LNPEP: variants seen among roughly 807,000 people sequenced by gnomAD.
LNPEP encodes the protein leucyl-cystinyl aminopeptidase.
Under a neutral mutation model 120.6 loss-of-function variants are expected in LNPEP, and 64 were observed. The ratio of observed to expected loss-of-function variants is 0.53; its 90% CI spans 0.43 to 0.65. The LOEUF (loss-of-function observed/expected upper bound fraction) is 0.65. LNPEP is among the 30% of genes least tolerant of loss of function. The probability of loss-of-function intolerance (pLI) is 0.00; values close to 1 mark genes in which losing one functional copy is unlikely to be tolerated. For synonymous variants in LNPEP, 435 were observed against 425.4 expected (o/e 1.02, Z -0.28); for missense variants, 1,057 against 1,200.0 (o/e 0.88, Z 1.76).
chr5:97,012,996 C>T (rs1459461923), intron 11 of LNPEP, among the ~76,000 whole-genome samples: 2 of 152,154 alleles, frequency 1.3e-5, no homozygotes, highest in African/African-American at 4.8e-5. Context: ...AAGACAGAGG[C>T]CAAAATGGGA....
In LNPEP at chr5:97,022,413, C is replaced by T. The variant is rs1321811498; in HGVS notation, c.2490C>T (p.His830=). Residue 830 remains histidine (H), a synonymous_variant, in exon 14 of 18, where the codon CAC becomes CAT. Transcript: ENST00000231368. ...CCCTGCTAGAGTTTGCTTGCACCCA[C>T]AACCTGGGGAACTGCTCTACTACTG... is the stretch of plus-strand genomic sequence containing the variant. ...RSALLEFACT[H]NLGNCSTTAM... The T allele has an allele frequency of 6.2e-7, 1 of 1,614,106 alleles. No homozygotes were observed. Among genetic ancestry groups the T allele is most frequent in the Admixed American group, 1.7e-5 (1 of 60,022 alleles).
chr5:96,995,702 T>C (rs1172015909), intron 6 of LNPEP, among the ~76,000 whole-genome samples: 1 of 152,104 alleles, frequency 6.6e-6, no homozygotes, highest in East Asian at 1.9e-4. Context: ...CTTAATTTTT[T>C]TGTAGAGACA....
chr5:96,947,135 T>G (rs889152838), intron 1 of LNPEP, among the ~76,000 whole-genome samples: 1 of 152,200 alleles, frequency 6.6e-6, no homozygotes, highest in Admixed American at 6.5e-5. Context: ...GCTTGAGAGA[T>G]TAATAAGCAT....
At chr5:96,954,773 T>TATA (rs1491213774) in intron 1 of LNPEP, among the ~76,000 whole-genome samples, 265 of 10,410 alleles carry the variant, frequency 0.025, 41 homozygotes, top group Non-Finnish European at 0.036. Context: ...TATATATATA[T>TATA]TTTTTTTTTT....
chr5:96,936,121 G>A lies in LNPEP; in HGVS notation c.-35G>A, dbSNP rs2112544467. On this transcript the variant is annotated 5_prime_UTR_variant, in exon 1 of 18. Coordinates refer to ENST00000231368, the MANE Select transcript of LNPEP (RefSeq NM_005575.3). ...TCAGCTCTCGGAGTAGGAAGCTCGG[G>A]CGCTCCGGCTGTAAGGAGCCGCGGC... The A allele has an allele frequency of 1.3e-6, 2 of 1,514,570 alleles. No homozygotes were observed. The highest frequency in any genetic ancestry group is 1.8e-6 in the Non-Finnish European group (2 of 1,131,630). The allele number at this position is 1,514,570 out of a possible 1,614,324, so 93.8% of individuals were successfully genotyped here.
intron 11 of LNPEP, among the ~76,000 whole-genome samples, chr5:97,011,430 A>G (rs1159883137): frequency 2.6e-5 from 4 of 152,046 alleles, no homozygotes; most frequent in Non-Finnish European, 4.4e-5. Context: ...ATGTCTCACT[A>G]TGTTGTCCAG....
intron 1 of LNPEP, among the ~76,000 whole-genome samples, chr5:96,947,924 T>G (rs1382028946): frequency 6.6e-6 from 1 of 152,166 alleles, no homozygotes; most frequent in African/African-American, 2.4e-5. Flanking sequence ...TTTTCCATTT[T>G]TCTCTTTTTG....
At chr5:96,998,173 G>T (rs1438729987) in intron 8 of LNPEP, 28 bp downstream of exon 8, 3 of 1,552,960 alleles carry the variant, frequency 1.9e-6, no homozygotes, top group South Asian at 1.2e-5. Flanking sequence ...AAGGTAGCTG[G>T]AGTGGGTTTA....
intron 1 of LNPEP, chr5:96,962,664 A>G (rs1789631969): frequency 7.1e-6 from 1 of 139,992 alleles, no homozygotes; most frequent in Non-Finnish European, 1.5e-5. Flanking sequence ...TTTTCAGGCT[A>G]GTCAAGTGAA....
At chr5:97,020,500 T>C (rs1791167129) in intron 13 of LNPEP, among the ~76,000 whole-genome samples, 1 of 152,132 alleles carries the variant, frequency 6.6e-6, no homozygotes, top group Non-Finnish European at 1.5e-5. Flanking sequence ...CATGAAGGTT[T>C]TCTAAAGAAT....
intron 11 of LNPEP, among the ~76,000 whole-genome samples, 160 bp from the exon 12 acceptor site, chr5:97,013,488 A>T (rs541278770): frequency 1.3e-5 from 2 of 152,320 alleles, no homozygotes; most frequent in African/African-American, 4.8e-5. Context: ...GAATGTCTTG[A>T]CCTTCACTAA....
rs1791382321 is a variant in LNPEP, at chr5:97,027,783, A to G, written c.2915A>G (p.Tyr972Cys). 1 of 1,609,332 alleles carries G rather than the reference A, an allele frequency of 6.2e-7. No homozygotes were observed. Among genetic ancestry groups the G allele is most frequent in the Non-Finnish European group, 8.5e-7 (1 of 1,175,652 alleles). Residue 972 changes from tyrosine (Y) to cysteine (C), a missense_variant, in exon 17 of 18, where the codon TAC (tyrosine) becomes TGC (cysteine). Tyr to Cys is a radical substitution (Grantham distance 194). Transcript: ENST00000231368. ...TIQNIVAGST[Y>C]LFSTKTHLSE... ...CAAAATATTGTTGCTGGATCAACTT[A>G]CCTGTTTTCAACAAAGACACATTTA...
At chr5:96,990,246 G>A (rs1229138622) in intron 4 of LNPEP, among the ~76,000 whole-genome samples, 2 of 152,152 alleles carry the variant, frequency 1.3e-5, no homozygotes, top group African/African-American at 2.4e-5. Context: ...TTCTGTAGGG[G>A]AAAGATGCAG....
intron 3 of LNPEP, among the ~76,000 whole-genome samples, chr5:96,985,767 T>C (rs911131399): frequency 7.9e-5 from 12 of 151,564 alleles, no homozygotes; most frequent in African/African-American, 2.9e-4. Flanking sequence ...TGTTTTTTTT[T>C]TTTTGGTCTT....
In LNPEP at chr5:97,032,015, A is replaced by G. The variant is rs1221619079; in HGVS notation, c.*3482A>G. The G allele has an allele frequency of 1.3e-5, 2 of 152,210 alleles. No individual in the cohort carries two copies. The highest frequency in any genetic ancestry group is 4.8e-5 in the African/African-American group (2 of 41,456). The allele number at this position is 152,210 out of a possible 1,614,324, so 9.4% of individuals were successfully genotyped here. On this transcript the variant is annotated 3_prime_UTR_variant, in exon 18 of 18. Coordinates refer to ENST00000231368, the MANE Select transcript of LNPEP (RefSeq NM_005575.3). The stretch of plus-strand genomic sequence containing the variant: ...AACCATAATCTGCCATCAGATTGCT[A>G]AACATTCACATAATCCCCATGTTTC...
intron 7 of LNPEP, among the ~76,000 whole-genome samples, chr5:96,997,683 T>C (rs572246049): frequency 1.3e-5 from 2 of 152,256 alleles, no homozygotes; most frequent in Admixed American, 1.3e-4. Flanking sequence ...TAAAAAAATA[T>C]ATGCTAACCT....
In LNPEP at chr5:97,013,705, G is replaced by A. The variant is rs766197000; in HGVS notation, c.2093G>A (p.Gly698Asp). The A allele has an allele frequency of 1.9e-6, 3 of 1,601,404 alleles. No individual in the cohort carries two copies. In the Admixed American group the frequency reaches 5.1e-5, roughly 27 times the overall value. Residue 698 changes from glycine (G) to aspartate (D), a missense_variant, in exon 12 of 18, where the codon GGT becomes GAT. Physicochemically the swap from Gly to Asp is moderately conservative, Grantham distance 94. Transcript: ENST00000231368. ...GTCAAAGTGAATATAAACATGAATGGTTATTATATTGTACACTATGCAGAT... is the reference window on the plus strand; with the variant it reads ...GTCAAAGTGAATATAAACATGAATGATTATTATATTGTACACTATGCAGAT... ...LWVKVNINMN[G>D]YYIVHYADDD...
At chr5:96,965,303 T>A (rs1193096977) in intron 1 of LNPEP, among the ~76,000 whole-genome samples, 2 of 151,972 alleles carry the variant, frequency 1.3e-5, no homozygotes, top group Non-Finnish European at 1.5e-5. Context: ...TGCCTTTCAT[T>A]CATCTGTAAT....
chr5:96,974,837 G>A (rs1789950503), intron 1 of LNPEP, among the ~76,000 whole-genome samples: 1 of 151,978 alleles, frequency 6.6e-6, no homozygotes, highest in South Asian at 2.1e-4. Context: ...GAAAGCTTTA[G>A]GTTTCTGGGA....
Sources: allele counts gnomAD v4.1 joint callset (sites outside exome capture counted in the v4.1 genomes callset), GRCh38; gene constraint gnomAD v4.1.1; transcripts MANE v1.5; gene names NCBI Gene and HGNC (gene_info 2026-07-23, HGNC 2026-07-21).